DNAH5: variants seen among roughly 807,000 people sequenced by gnomAD.
The protein encoded by DNAH5 is axonemal beta dynein heavy chain 5.
A neutral mutation model predicts 518.2 loss-of-function variants in DNAH5; 372 were observed. The observed-to-expected ratio is 0.72, with a 90% CI of 0.66 to 0.78. The LOEUF (loss-of-function observed/expected upper bound fraction) is 0.78, where lower values mean the gene tolerates loss of function less well. Ranked by LOEUF, DNAH5 falls within the 30% of genes least tolerant of loss-of-function variation. The pLI, the probability that DNAH5 is intolerant of heterozygous loss-of-function variation, is 0.00. For synonymous variants in DNAH5, 2,039 were observed against 2,025.9 expected, an observed-to-expected ratio of 1.01 and a Z score of -0.17; for missense variants, 5,523 against 5,687.0, an observed-to-expected ratio of 0.97 and a Z score of 0.93.
intron 71 of DNAH5, among the ~76,000 whole-genome samples, chr5:13,720,307 A>G (rs2126525873): frequency 6.6e-6 from 1 of 152,366 alleles, no homozygotes; most frequent in Non-Finnish European, 1.5e-5. Context: ...GAAATTCAAT[A>G]TAAAACACAG....
At chr5:13,790,190 C>A (rs1446344386) in intron 50 of DNAH5, among the ~76,000 whole-genome samples, 1 of 152,156 alleles carries the variant, frequency 6.6e-6, no homozygotes, top group Non-Finnish European at 1.5e-5. Flanking sequence ...CCAGAAATCC[C>A]ATTACAGGGT....
chr5:13,729,759 G>A (rs1746240085), intron 68 of DNAH5, among the ~76,000 whole-genome samples, 199 bp from the exon 69 acceptor site: 1 of 152,172 alleles, frequency 6.6e-6, no homozygotes, highest in Non-Finnish European at 1.5e-5. Flanking sequence ...TTAATCATCA[G>A]TAATATAACT....
chr5:13,903,206 A>G (rs1477752768), intron 12 of DNAH5, among the ~76,000 whole-genome samples: 1 of 152,202 alleles, frequency 6.6e-6, no homozygotes, highest in Non-Finnish European at 1.5e-5. Context: ...TTACAATTCA[A>G]AATACAATAG....
At chr5:13,892,099 A>G (rs1005348333) in intron 16 of DNAH5, among the ~76,000 whole-genome samples, 42 of 103,420 alleles carry the variant, frequency 4.1e-4, no homozygotes, top group Non-Finnish European at 8.2e-4. Context: ...TAAAAGCCTA[A>G]AAGTTTTCTA....
At position 13,795,504 on chromosome 5, in the gene DNAH5, A is replaced by G. The variant is rs532635872; in HGVS notation, c.7888-1446T>C. Among the ~76,000 whole-genome samples the G allele has an allele frequency of 2.6e-5, 4 of 152,366 alleles. No homozygotes were observed. The East Asian group carries it at 7.7e-4, about 29-fold the overall frequency. On this transcript the variant is annotated intron_variant, in intron 47 of 78. Coordinates refer to ENST00000265104, the MANE Select transcript of DNAH5 (RefSeq NM_001369.3). Reference sequence around the variant, plus strand: ...ACCCTCCCAAGACTAAACCAGGAAGAAGCTGAATCTCTGAATAGACCAATA... The same window carrying G: ...ACCCTCCCAAGACTAAACCAGGAAGGAGCTGAATCTCTGAATAGACCAATA...
At chr5:13,899,209 G>C (rs1774275652) in intron 15 of DNAH5, 1 of 132,572 alleles carries the variant, frequency 7.5e-6, no homozygotes, top group African/African-American at 2.8e-5. Context: ...GGGATTACAG[G>C]CATGAGCCAC....
At chr5:14,005,331 A>C (rs1183884988) in intron 1 of DNAH5, among the ~76,000 whole-genome samples, 1 of 152,196 alleles carries the variant, frequency 6.6e-6, no homozygotes, top group Non-Finnish European at 1.5e-5. Context: ...AACTTAACAT[A>C]ATCATTGAAA....
At chr5:13,702,903 T>C (rs1742305199) in intron 76 of DNAH5, among the ~76,000 whole-genome samples, 1 of 151,930 alleles carries the variant, frequency 6.6e-6, no homozygotes, top group Non-Finnish European at 1.5e-5. Context: ...CCAAGTAACC[T>C]ACAGAGGCCA....
At chr5:13,850,875 A>C (rs993096880) in intron 30 of DNAH5, 60 bp from the exon 31 acceptor site, 1 of 1,540,680 alleles carries the variant, frequency 6.5e-7, no homozygotes, top group Non-Finnish European at 9.0e-7. Flanking sequence ...TCCCAAAGAC[A>C]GTATCTCACA....
At chr5:14,008,952 C>T (rs1184439564) in intron 1 of DNAH5, among the ~76,000 whole-genome samples, 1 of 152,248 alleles carries the variant, frequency 6.6e-6, no homozygotes, top group Admixed American at 6.5e-5. Flanking sequence ...GGGCCTGCCC[C>T]TGCAAGGACA....
At chr5:13,916,566 A>T (rs139687560) in intron 8 of DNAH5, 111 bp from the exon 9 acceptor site, 8 of 565,696 alleles carry the variant, frequency 1.4e-5, no homozygotes, top group African/African-American at 1.3e-4. Context: ...TCTATTAAAG[A>T]TTTAAAAATA....
chr5:13,881,178 C>G (rs188907098), intron 21 of DNAH5, among the ~76,000 whole-genome samples: 1 of 151,970 alleles, frequency 6.6e-6, no homozygotes, highest in Admixed American at 6.5e-5. Context: ...TGAAGAGAGA[C>G]ACAGACTAGA....
chr5:13,712,434 CA>C (rs1743614947), intron 75 of DNAH5, among the ~76,000 whole-genome samples: 1 of 152,156 alleles, frequency 6.6e-6, no homozygotes, highest in African/African-American at 2.4e-5. Flanking sequence ...ACCAAGAACT[CA>C]AAAGCAAATG....
intron 1 of DNAH5, among the ~76,000 whole-genome samples, chr5:13,998,913 C>T (rs998254570): frequency 6.6e-6 from 1 of 152,152 alleles, no homozygotes; most frequent in African/African-American, 2.4e-5. Flanking sequence ...ACTCTGTTAC[C>T]CAGGCTGGAG....
chr5:13,777,219 C>T lies in DNAH5; in HGVS notation c.9088G>A (p.Val3030Ile). 6.2e-7 allele frequency: 1 copy of T among 1,612,768 alleles called. No individual in the cohort carries two copies. ...GCTCCTACCTCACCTGATGATAAAACATTGTTCATATATTCCAAAAATGAC... is the reference window on the plus strand; with the variant it reads ...GCTCCTACCTCACCTGATGATAAAATATTGTTCATATATTCCAAAAATGAC... The part of the protein sequence containing the change: ...DESFLEYMNN[V>I]LSSGEVSNLF... The change falls in exon 54 of 79, where the codon GTT becomes ATT. Residue 3030 changes from valine to isoleucine, a missense_variant. Transcript: ENST00000265104.
chr5:13,794,226 T>C (rs1290017447), intron 47 of DNAH5, among the ~76,000 whole-genome samples, 168 bp from the exon 48 acceptor site: 1 of 152,246 alleles, frequency 6.6e-6, no homozygotes, highest in Non-Finnish European at 1.5e-5. Flanking sequence ...TAAATTATCT[T>C]GTATAACATT....
rs1769974633 is a variant in DNAH5, at chr5:13,870,774, G to A, written c.3827C>T (p.Pro1276Leu). The A allele has an allele frequency of 1.9e-6, 3 of 1,611,732 alleles. No homozygotes were observed. The highest frequency in any genetic ancestry group is 1.7e-5 in the Admixed American group (1 of 59,880). ...EQISIDFQVG[P>L]IEESYALLNR... Reference sequence around the variant, plus strand: ...CAAATGATCATTAGTTACCTCAATAGGTCCTACTTGAAAGTCAATGGAGAT... The same window carrying A: ...CAAATGATCATTAGTTACCTCAATAAGTCCTACTTGAAAGTCAATGGAGAT... The change falls in exon 24 of 79, where the codon CCT becomes CTT. Residue 1276 changes from proline to leucine, a missense_variant. Around this residue, in one of 3 missense-constraint regions of DNAH5, gnomAD observed 5,121 missense variants for 5,223.3 expected, o/e 0.98. Transcript: ENST00000265104.
intron 15 of DNAH5, among the ~76,000 whole-genome samples, chr5:13,896,958 T>C (rs1391858081): frequency 9.4e-6 from 1 of 106,636 alleles, no homozygotes; most frequent in Non-Finnish European, 2.0e-5. Flanking sequence ...TTGCCTAGAG[T>C]ACTAGGTCCA....
chr5:13,940,842 G>A (rs964075709), intron 1 of DNAH5, among the ~76,000 whole-genome samples: 1 of 152,096 alleles, frequency 6.6e-6, no homozygotes, highest in African/African-American at 2.4e-5. Flanking sequence ...ATGATAGAAA[G>A]AACAAGTTCA....
Sources: allele counts gnomAD v4.1 joint callset (sites outside exome capture counted in the v4.1 genomes callset), GRCh38; gene constraint gnomAD v4.1.1; regional missense constraint gnomAD v4.1.1; transcripts MANE v1.5; gene names NCBI Gene and HGNC (gene_info 2026-07-23, HGNC 2026-07-21).